Variants in PCDHGB5 observed in about 807,000 individuals in gnomAD.
PCDHGB5 encodes the protein protocadherin gamma-B5.
In PCDHGB5, 48 loss-of-function variants were observed where a neutral mutation model predicts 62.9. That is an observed-to-expected ratio of 0.76 (90% confidence interval 0.61 to 0.97). The LOEUF is 0.97. Among genes scored for constraint, PCDHGB5 ranks in the 50% least tolerant of loss-of-function variants. The pLI, the probability that PCDHGB5 is intolerant of heterozygous loss-of-function variation, is 0.00. For synonymous variants in PCDHGB5, 474 were observed against 511.2 expected (o/e 0.93, Z 0.98); for missense variants, 1,118 against 1,198.6 (o/e 0.93, Z 0.99).
chr5:141,408,863 C>T, intron 1 of PCDHGB5: 1 of 1,613,604 alleles, frequency 6.2e-7, no homozygotes, highest in Non-Finnish European at 8.5e-7. Context: ...AGGGGACCCA[C>T]CAAGAAGTGC....
chr5:141,475,547 G>A (rs2099364977), intron 1 of PCDHGB5, among the ~76,000 whole-genome samples: 1 of 152,176 alleles, frequency 6.6e-6, no homozygotes, highest in Non-Finnish European at 1.5e-5. Context: ...AGTAGGGTCC[G>A]GCTAATTGTC....
At chr5:141,423,838 T>G in intron 1 of PCDHGB5, 1 of 1,279,552 alleles carries the variant, frequency 7.8e-7, no homozygotes, top group South Asian at 3.5e-5. Context: ...GAGATTACGA[T>G]AATCTTTCAG....
At chr5:141,433,353 G>C (rs2097584366) in intron 1 of PCDHGB5, 4 of 603,272 alleles carry the variant, frequency 6.6e-6, no homozygotes, top group South Asian at 6.2e-5. Context: ...GCCACCTACT[G>C]TCTGCCTATC....
intron 1 of PCDHGB5, among the ~76,000 whole-genome samples, chr5:141,481,556 G>T (rs553126587): frequency 6.6e-6 from 1 of 152,148 alleles, no homozygotes; most frequent in African/African-American, 2.4e-5. Flanking sequence ...AGTGGCTCAC[G>T]CCTGTAATCC....
At chr5:141,445,342 T>C (rs1026595756) in intron 1 of PCDHGB5, among the ~76,000 whole-genome samples, 4 of 152,202 alleles carry the variant, frequency 2.6e-5, no homozygotes, top group African/African-American at 9.6e-5. Flanking sequence ...ACAGTAAACA[T>C]TGGTGTCTGC....
At position 141,493,904 on chromosome 5, in the gene PCDHGB5, G is replaced by A. The variant is rs1204744465; in HGVS notation, c.2398-903G>A. Among the ~76,000 whole-genome samples, 1 of 152,216 alleles carries A rather than the reference G, an allele frequency of 6.6e-6. No individual in the cohort carries two copies. Among genetic ancestry groups the A allele is most frequent in the Non-Finnish European group, 1.5e-5 (1 of 68,028 alleles). On this transcript the variant is annotated intron_variant, in intron 1 of 3. Transcript: ENST00000617380. The surrounding 1 kb of genome is among the most constrained non-coding windows in gnomAD (Gnocchi z 4.3). ...GGCTCTAGGAGTGCTCCATGAGAGT[G>A]TGTGATGGGATAACACACCCCCTGG...
rs1372368815 is a variant in PCDHGB5 at position 141,491,370 on chromosome 5, C to T, written c.2398-3437C>T. 3 of 1,614,038 alleles carry T rather than the reference C, an allele frequency of 1.9e-6. No individual in the cohort carries two copies. The highest frequency in any genetic ancestry group is 2.2e-5 in the East Asian group (1 of 44,880). ...GTCTCTTATCCCTAGTCACCTTCAC[C>T]TTTCTGTCAGCGAAGTGCCTTCAGG... On this transcript the variant is annotated intron_variant, in intron 1 of 3. Transcript: ENST00000617380. The surrounding 1 kb of genome is among the most constrained non-coding windows in gnomAD (Gnocchi z 6.9).
intron 1 of PCDHGB5, chr5:141,416,068 A>G (rs940843403): frequency 1.2e-5 from 2 of 173,694 alleles, no homozygotes; most frequent in Non-Finnish European, 2.4e-5. Context: ...AGAATACTCA[A>G]TGCAGTTCTT....
In PCDHGB5 at chr5:141,398,105, G is replaced by A. The variant is rs778559832; in HGVS notation, c.-23G>A. 2 of 1,595,534 alleles carry A rather than the reference G, an allele frequency of 1.3e-6. No homozygotes were observed. Among genetic ancestry groups the A allele is most frequent in the East Asian group, 4.5e-5 (2 of 44,578 alleles). On this transcript the variant is annotated 5_prime_UTR_variant, in exon 1 of 4. Transcript: ENST00000617380. ...TAACCTGGCGTCTCCAGGCTGGTGAGCAAGCTGAGGAGAGCAAGAGGGATG... is the reference window on the plus strand; with the variant it reads ...TAACCTGGCGTCTCCAGGCTGGTGAACAAGCTGAGGAGAGCAAGAGGGATG...
intron 1 of PCDHGB5, chr5:141,404,921 A>G: frequency 6.2e-7 from 1 of 1,613,804 alleles, no homozygotes; most frequent in South Asian, 1.1e-5. Context: ...TCTCTCGGCC[A>G]CTGTCACGCT....
intron 1 of PCDHGB5, chr5:141,418,387 G>T: frequency 1.9e-6 from 3 of 1,614,002 alleles, no homozygotes; most frequent in Non-Finnish European, 2.5e-6. Flanking sequence ...GTCCTAACGA[G>T]TATTTCTCAT....
Position 141,485,291 on chromosome 5 carries a change from CAGGA to C in PCDHGB5, c.2398-9512_2398-9509del. ...CCGCTACCCGGTCCCAGAGGAGTCA[CAGGA>C]AGGGACTTTTGTAGGGAATGTCGCT... On this transcript the variant is annotated intron_variant, in intron 1 of 3. Transcript: ENST00000617380. The surrounding 1 kb of genome is among the most constrained non-coding windows in gnomAD (Gnocchi z 5.7). 1 of 1,614,152 alleles carries C rather than the reference CAGGA, an allele frequency of 6.2e-7. No individual in the cohort carries two copies. Among genetic ancestry groups the C allele is most frequent in the Non-Finnish European group, 8.5e-7 (1 of 1,179,992 alleles).
chr5:141,420,269 A>G, intron 1 of PCDHGB5: 1 of 1,544,558 alleles, frequency 6.5e-7, no homozygotes, highest in Admixed American at 2.0e-5. Flanking sequence ...GAAGATTCTT[A>G]AACAGGTAAG....
chr5:141,471,564 T>C (rs1352708320), intron 1 of PCDHGB5: 1 of 152,184 alleles, frequency 6.6e-6, no homozygotes, highest in African/African-American at 2.4e-5. Context: ...GACTCAGGGG[T>C]AGCAGTAGAT....
At position 141,405,308 on chromosome 5, in the gene PCDHGB5, GA is replaced by G. The variant is rs776065617; in HGVS notation, c.2397+4785del. 15 of 1,614,096 alleles carry G rather than the reference GA, an allele frequency of 9.3e-6. No individual in the cohort carries two copies. The African/African-American group carries it at 1.9e-4, about 20-fold the overall frequency. On this transcript the variant is annotated intron_variant, in intron 1 of 3. Transcript: ENST00000617380. The stretch of plus-strand genomic sequence containing the variant: ...CACACTCATCAGCCAGCAGAGCTGT[GA>G]GAAAAATGAGCCTTTGTGCGTCTCT...
In PCDHGB5 at chr5:141,420,077, C is replaced by T. The variant is rs760626443; in HGVS notation, c.2397+19553C>T. The T allele has an allele frequency of 2.9e-5, 47 of 1,613,782 alleles. No homozygotes were observed. Among genetic ancestry groups the T allele is most frequent in the Admixed American group, 1.0e-4 (6 of 60,004 alleles). The stretch of plus-strand genomic sequence containing the variant: ...CTGCTCCAAGTCCGGACCTGTGGGT[C>T]CCCCCAACTACAGTGAGGGAACGTT... On this transcript the variant is annotated intron_variant, in intron 1 of 3. Coordinates refer to ENST00000617380, the MANE Select transcript of PCDHGB5 (RefSeq NM_018925.3).
At chr5:141,404,044 A>G (rs752955570) in intron 1 of PCDHGB5, 3 of 1,613,936 alleles carry the variant, frequency 1.9e-6, no homozygotes, top group South Asian at 1.1e-5. Context: ...CTCAGGGAAC[A>G]GTAATTCTTC....
chr5:141,494,441 C>T (rs1187169994), intron 1 of PCDHGB5, among the ~76,000 whole-genome samples: 2 of 152,154 alleles, frequency 1.3e-5, no homozygotes, highest in African/African-American at 4.8e-5. Context: ...TCCTTTGCCA[C>T]TTTAGGGGGC....
chr5:141,453,205 G>A lies in PCDHGB5; in HGVS notation c.2398-41602G>A, dbSNP rs570291941. On this transcript the variant is annotated intron_variant, in intron 1 of 3. Coordinates refer to ENST00000617380, the MANE Select transcript of PCDHGB5 (RefSeq NM_018925.3). ...CACAGCTCACTGCAGCCTCAACCTC[G>A]TGCACTTAAGCGATCCTCCCACCTC... Among the ~76,000 whole-genome samples the A allele has an allele frequency of 1.1e-4, 17 of 151,990 alleles. No individual in the cohort carries two copies. In the East Asian group the frequency reaches 2.5e-3, roughly 22 times the overall value.
Sources: allele counts gnomAD v4.1 joint callset (sites outside exome capture counted in the v4.1 genomes callset), GRCh38; gene constraint gnomAD v4.1.1; non-coding constraint Gnocchi (gnomAD v3.1); transcripts MANE v1.5; gene names NCBI Gene and HGNC (gene_info 2026-07-23, HGNC 2026-07-21).